HECW2: variants seen among roughly 807,000 people sequenced by gnomAD.
HECW2 encodes the protein HECT, C2 and WW domain containing E3 ubiquitin protein ligase 2, also known as E3 ubiquitin-protein ligase HECW2.
A neutral mutation model predicts 175.2 loss-of-function variants in HECW2; 61 were observed. The ratio of observed to expected loss-of-function variants is 0.35; its 90% CI spans 0.28 to 0.43. The LOEUF is 0.43. HECW2 is among the 20% of genes least tolerant of loss of function. The probability of loss-of-function intolerance (pLI) is 1.00; values close to 1 mark genes in which losing one functional copy is unlikely to be tolerated. For missense variants in HECW2, 1,524 were observed against 2,000.5 expected (o/e 0.76, Z 4.54); for synonymous variants, 671 against 731.0 (o/e 0.92, Z 1.32).
chr2:196,461,562 A>G (rs1696744275), intron 1 of HECW2, among the ~76,000 whole-genome samples: 1 of 152,204 alleles, frequency 6.6e-6, no homozygotes, highest in African/African-American at 2.4e-5. Context: ...CACTGCTATC[A>G]AGAACTGCCC....
At chr2:196,298,173 A>T (rs1188115572) in intron 13 of HECW2, among the ~76,000 whole-genome samples, 1 of 152,238 alleles carries the variant, frequency 6.6e-6, no homozygotes, top group South Asian at 2.1e-4. Flanking sequence ...ATATAATGAA[A>T]TATATTTATG....
At chr2:196,274,436 T>C (rs1689863121) in intron 15 of HECW2, among the ~76,000 whole-genome samples, 2 of 152,206 alleles carry the variant, frequency 1.3e-5, no homozygotes, top group South Asian at 4.1e-4. Context: ...AGCAGACTTG[T>C]TCATCAGGAC....
chr2:196,477,822 C>T (rs1034786650), intron 1 of HECW2, among the ~76,000 whole-genome samples: 3 of 152,070 alleles, frequency 2.0e-5, no homozygotes, highest in African/African-American at 4.8e-5. Flanking sequence ...GAGGCTGAGG[C>T]GGGTGGATCA....
chr2:196,407,929 C>T (rs1695007897), intron 2 of HECW2, among the ~76,000 whole-genome samples: 1 of 152,198 alleles, frequency 6.6e-6, no homozygotes, highest in South Asian at 2.1e-4. Flanking sequence ...GTCTTCTTCT[C>T]CATGCAAAAC....
intron 19 of HECW2, among the ~76,000 whole-genome samples, chr2:196,249,451 T>C (rs939501920): frequency 6.2e-5 from 4 of 64,796 alleles, no homozygotes; most frequent in African/African-American, 7.9e-5. Context: ...GTCAACGTGC[T>C]TGGAATGAGG....
intron 18 of HECW2, among the ~76,000 whole-genome samples, chr2:196,256,426 A>G (rs1371528212): frequency 6.6e-6 from 1 of 152,184 alleles, no homozygotes; most frequent in Admixed American, 6.5e-5. Context: ...CTACTACTTA[A>G]CACATAGAAA....
intron 14 of HECW2, among the ~76,000 whole-genome samples, chr2:196,286,912 C>T (rs183666143): frequency 1.3e-5 from 2 of 152,284 alleles, no homozygotes; most frequent in East Asian, 3.9e-4. Flanking sequence ...TATTAAGTTG[C>T]ACTTTACTCA....
At chr2:196,318,477 T>C (rs1204983836) in intron 9 of HECW2, 75 bp downstream of exon 9, 2 of 1,373,262 alleles carry the variant, frequency 1.5e-6, no homozygotes, top group African/African-American at 3.0e-5. Context: ...TTATTTACAT[T>C]GAGGGGAAAA....
intron 23 of HECW2, among the ~76,000 whole-genome samples, chr2:196,223,538 G>A (rs1687746040): frequency 6.6e-6 from 1 of 152,204 alleles, no homozygotes; most frequent in Non-Finnish European, 1.5e-5. Flanking sequence ...AAGCATATCA[G>A]CAGTTTGAGA....
chr2:196,401,531 A>T, intron 2 of HECW2, among the ~76,000 whole-genome samples: 1 of 152,210 alleles, frequency 6.6e-6, no homozygotes, highest in Non-Finnish European at 1.5e-5. Flanking sequence ...TGGAATTTTT[A>T]AATAGAATTT....
chr2:196,503,356 G>A (rs1386380078), intron 1 of HECW2, among the ~76,000 whole-genome samples: 1 of 152,160 alleles, frequency 6.6e-6, no homozygotes, highest in Non-Finnish European at 1.5e-5. Context: ...CTGTGCAGAG[G>A]GGCAAGATAG....
chr2:196,356,552 C>T (rs1163794097), intron 2 of HECW2, among the ~76,000 whole-genome samples: 1 of 152,180 alleles, frequency 6.6e-6, no homozygotes, highest in African/African-American at 2.4e-5. Context: ...TGCTTGTCAG[C>T]CACTTAGTAG....
intron 1 of HECW2, among the ~76,000 whole-genome samples, chr2:196,482,671 A>T (rs1021383835): frequency 2.0e-5 from 3 of 152,194 alleles, no homozygotes; most frequent in African/African-American, 7.2e-5. Flanking sequence ...GCTGCTGAGC[A>T]TCTGTCCTGG....
intron 20 of HECW2, among the ~76,000 whole-genome samples, chr2:196,241,517 CA>C (rs1450894221): frequency 2.0e-5 from 3 of 152,006 alleles, no homozygotes. Flanking sequence ...GGACGTGGGA[CA>C]GGGGTGAAGG....
intron 1 of HECW2, among the ~76,000 whole-genome samples, chr2:196,459,928 C>G (rs1238542387): frequency 6.6e-6 from 1 of 152,140 alleles, no homozygotes; most frequent in Non-Finnish European, 1.5e-5. Flanking sequence ...GCATGTTTCT[C>G]CCTTCCTAAA....
At chr2:196,247,831 A>G in intron 19 of HECW2, among the ~76,000 whole-genome samples, 1 of 152,188 alleles carries the variant, frequency 6.6e-6, no homozygotes, top group South Asian at 2.1e-4. Flanking sequence ...GATGACTAGC[A>G]CTGGTTCTCC....
intron 1 of HECW2, among the ~76,000 whole-genome samples, chr2:196,555,810 C>T (rs1430175318): frequency 2.0e-5 from 3 of 152,320 alleles, no homozygotes; most frequent in East Asian, 3.9e-4. Context: ...TATCAAAATC[C>T]TTAACAAGAC....
chr2:196,319,432 T>A lies in HECW2; in HGVS notation c.1458A>T (p.Gly486=), dbSNP rs374435725. The change falls in exon 9 of 29, where the codon GGA becomes GGT. Residue 486 remains glycine (G), a synonymous_variant. Coordinates refer to ENST00000644978, the MANE Select transcript of HECW2 (RefSeq NM_001348768.2). The stretch of plus-strand genomic sequence containing the variant: ...ATGCCCTGCTAAACATGATCAGGCC[T>A]CCCTCCTCCTCCAAGGAAGATGGGT... ...LGYPSSLEEE[G]GLIMFSRASR... 3.2e-5 allele frequency: 52 copies of A among 1,613,850 alleles called. No individual in the cohort carries two copies. The highest frequency in any genetic ancestry group is 1.5e-4 in the Admixed American group (9 of 59,996).
chr2:196,547,457 A>T (rs1039995004), intron 1 of HECW2, among the ~76,000 whole-genome samples: 3 of 152,268 alleles, frequency 2.0e-5, no homozygotes, highest in African/African-American at 7.2e-5. Flanking sequence ...GCAAAGTCAT[A>T]GACTCTATCA....
Sources: gnomAD v4.1 joint callset for allele counts (sites outside exome capture counted in the v4.1 genomes callset) on GRCh38, gnomAD v4.1.1 for gene constraint, MANE v1.5 for transcripts, NCBI Gene and HGNC (gene_info 2026-07-23, HGNC 2026-07-21) for gene names.